Variants in LIPJ observed in about 807,000 individuals in gnomAD.
The protein encoded by LIPJ is lipase member J.
LIPJ carries 33 observed loss-of-function variants against 39.8 expected under a neutral mutation model. The observed-to-expected ratio is 0.83, with a 90% CI of 0.63 to 1.11. LIPJ has a LOEUF of 1.11. Ranked by LOEUF, LIPJ falls within the 50% of genes least tolerant of loss-of-function variation. LIPJ has a pLI of 0.00. For synonymous variants in LIPJ, 128 were observed against 139.2 expected, an observed-to-expected ratio of 0.92 and a Z score of 0.57; for missense variants, 422 against 427.9, an observed-to-expected ratio of 0.99 and a Z score of 0.12.
the LIPJ span, among the ~76,000 whole-genome samples, chr10:88,617,252 G>A: frequency 5.0e-3 from 756 of 152,156 alleles, 4 homozygotes; most frequent in African/African-American, 0.017. Context: ...TACGGCAGTC[G>A]CTAGAGATTA....
At chr10:88,597,861 A>G (rs1235079871) in intron 8 of LIPJ, among the ~76,000 whole-genome samples, 1 of 151,896 alleles carries the variant, frequency 6.6e-6, no homozygotes, top group Admixed American at 6.6e-5. Context: ...TCATAAATAC[A>G]ATGTTTATTT....
the LIPJ span, among the ~76,000 whole-genome samples, chr10:88,619,291 C>A: frequency 1.3e-5 from 2 of 151,152 alleles, no homozygotes; most frequent in South Asian, 4.2e-4. Context: ...CACCTAGACT[C>A]CATTTACTTT....
At chr10:88,605,341 G>T (rs1851626199) in intron 9 of LIPJ, among the ~76,000 whole-genome samples, 1 of 152,124 alleles carries the variant, frequency 6.6e-6, no homozygotes, top group Non-Finnish European at 1.5e-5. Context: ...AGATTTGAGG[G>T]AGCCTGATGT....
At chr10:88,599,680 TACATATATACACACACACACACACACAC>T (rs1318608620) in intron 8 of LIPJ, among the ~76,000 whole-genome samples, 2 of 142,250 alleles carry the variant, frequency 1.4e-5, no homozygotes, top group East Asian at 4.8e-4. Context: ...TATATATACA[TACATATATACACACACACACACACACAC>T]ACATATATAT....
At chr10:88,606,718 T>G in exon 11 of LIPJ, 1 of 1,613,454 alleles carries the variant, frequency 6.2e-7, no homozygotes, top group Non-Finnish European at 8.5e-7. Context: ...ATGTGGCAAC[T>G]GCAATTTGGA....
At chr10:88,622,116 G>A in the LIPJ span, among the ~76,000 whole-genome samples, 2 of 152,150 alleles carry the variant, frequency 1.3e-5, no homozygotes, top group Admixed American at 6.5e-5. Flanking sequence ...TAGAAAGCAC[G>A]TCACCTCTGT....
upstream of LIPJ, chr10:88,583,387 T>TC (rs1850780280): frequency 7.2e-7 from 1 of 1,383,724 alleles, no homozygotes; most frequent in East Asian, 2.8e-5. Flanking sequence ...CCCTCCGTCC[T>TC]TGAGGAGCAA....
chr10:88,606,816 C>T, exon 11 of LIPJ: 1 of 1,612,258 alleles, frequency 6.2e-7, no homozygotes, highest in Non-Finnish European at 8.5e-7. Context: ...AAAACTATTT[C>T]TTACTACAAT....
intron 8 of LIPJ, 146 bp from the exon 9 acceptor site, chr10:88,602,430 A>G (rs1851520463): frequency 1.9e-6 from 1 of 528,144 alleles, no homozygotes; most frequent in Non-Finnish European, 3.2e-6. Flanking sequence ...ATATTTAATT[A>G]AAATAATTTG....
At chr10:88,583,614 A>G (rs1424357062), upstream of LIPJ, 2 of 991,730 alleles carry the variant, frequency 2.0e-6, no homozygotes, top group East Asian at 1.1e-4. Context: ...ACTATTCTAG[A>G]TTTGAAAGTG....
upstream of LIPJ, chr10:88,584,296 A>G (rs1208665743): frequency 2.0e-5 from 3 of 152,270 alleles, no homozygotes; most frequent in Non-Finnish European, 4.4e-5. Flanking sequence ...ATTTTTAAGC[A>G]TAAAAATGAA....
intron 8 of LIPJ, among the ~76,000 whole-genome samples, chr10:88,598,786 A>G (rs1851346534): frequency 6.6e-6 from 1 of 151,826 alleles, no homozygotes; most frequent in Admixed American, 6.6e-5. Flanking sequence ...TGATGGAAGG[A>G]ATATCTGGAG....
At chr10:88,584,486 T>A (rs1308709597), upstream of LIPJ, 1 of 152,236 alleles carries the variant, frequency 6.6e-6, no homozygotes, top group Non-Finnish European at 1.5e-5. Flanking sequence ...AAAATGTGTA[T>A]ATATTGGATA....
At chr10:88,583,126 C>T (rs1850753784), upstream of LIPJ, 1 of 1,614,158 alleles carries the variant, frequency 6.2e-7, no homozygotes, top group East Asian at 2.2e-5. Flanking sequence ...GGACGTCTGC[C>T]TCCTCAGCAG....
chr10:88,622,857 GA>G, the LIPJ span, among the ~76,000 whole-genome samples: 1 of 152,140 alleles, frequency 6.6e-6, no homozygotes, highest in Non-Finnish European at 1.5e-5. Flanking sequence ...CATTGACAGA[GA>G]AAAATGGTGG....
exon 11 of LIPJ, chr10:88,606,706 G>C: frequency 6.2e-7 from 1 of 1,612,894 alleles, no homozygotes; most frequent in Non-Finnish European, 8.5e-7. Context: ...TGACAAACAT[G>C]AATGTGGCAA....
chr10:88,617,315 A>G, the LIPJ span, among the ~76,000 whole-genome samples: 1 of 152,244 alleles, frequency 6.6e-6, no homozygotes, highest in Non-Finnish European at 1.5e-5. Flanking sequence ...TGAGAAATCA[A>G]TAAATATGAA....
intron 8 of LIPJ, among the ~76,000 whole-genome samples, chr10:88,598,910 A>C (rs2134565528): frequency 6.8e-6 from 1 of 147,262 alleles, no homozygotes; most frequent in East Asian, 1.9e-4. Flanking sequence ...TTAAATTTAT[A>C]TAATTTAATT....
chr10:88,589,419 C>T lies in LIPJ; in HGVS notation c.-103-1166C>T, dbSNP rs1050201427. On this transcript the variant is annotated intron_variant, in intron 2 of 10. Transcript: ENST00000371939. ...TTAAATTAGCAGCTCTTGCTCTTCT[C>T]TTTGGTAGAAGATATTGATAATGCT... is the stretch of plus-strand genomic sequence containing the variant. Among the ~76,000 whole-genome samples the T allele has an allele frequency of 2.6e-5, 4 of 152,000 alleles. No homozygotes were observed. The East Asian group carries it at 7.7e-4, about 29-fold the overall frequency.
Sources: gnomAD v4.1 joint callset for allele counts (sites outside exome capture counted in the v4.1 genomes callset) on GRCh38, gnomAD v4.1.1 for gene constraint, MANE v1.5 for transcripts, NCBI Gene and HGNC (gene_info 2026-07-23, HGNC 2026-07-21) for gene names.